The following AFF3 variants were observed in gnomAD, a reference collection of about 807,000 sequenced individuals.
AFF3 encodes AF4/FMR2 family member 3.
In AFF3, 32 loss-of-function variants were observed where a neutral mutation model predicts 129.7. The ratio of observed to expected loss-of-function variants is 0.25; its 90% CI spans 0.19 to 0.33. The LOEUF is 0.33. AFF3 is among the 10% of genes least tolerant of loss of function. The probability of loss-of-function intolerance (pLI) is 1.00; values close to 1 mark genes in which losing one functional copy is unlikely to be tolerated. For missense variants in AFF3, 1,373 were observed against 1,592.0 expected (o/e 0.86, Z 2.34); for synonymous variants, 644 against 635.4 (o/e 1.01, Z -0.20).
At chr2:99,650,355 T>C (rs1245608337) in intron 12 of AFF3, among the ~76,000 whole-genome samples, 1 of 151,932 alleles carries the variant, frequency 6.6e-6, no homozygotes, top group Non-Finnish European at 1.5e-5. Context: ...GGTCAGGAGT[T>C]CAAGACCAGC....
At chr2:99,927,738 T>TA (rs1279312420) in intron 7 of AFF3, among the ~76,000 whole-genome samples, 1 of 152,110 alleles carries the variant, frequency 6.6e-6, no homozygotes, top group Non-Finnish European at 1.5e-5. Context: ...AAATAAAAGT[T>TA]AAAAAAAATT....
At chr2:100,130,192 T>C (rs1199786879) in intron 1 of AFF3, among the ~76,000 whole-genome samples, 4 of 152,210 alleles carry the variant, frequency 2.6e-5, no homozygotes, top group Non-Finnish European at 5.9e-5. Flanking sequence ...GCGTGAAGTT[T>C]CCAGAAGTTC....
rs1559460539 is a variant in AFF3, at chr2:99,549,074, C to CA, written c.*2399dup. ...AGGGAAGCTCATCACATAGATGTTA[C>CA]AACAAAGTCTGCAACTTTCAAGGTG... is the stretch of plus-strand genomic sequence containing the variant. On this transcript the variant is annotated 3_prime_UTR_variant, in exon 25 of 25. Transcript: ENST00000672756. 1 of 227,230 alleles carries CA rather than the reference C, an allele frequency of 4.4e-6. No homozygotes were observed. The highest frequency in any genetic ancestry group is 2.2e-5 in the African/African-American group (1 of 44,984). 14.1% of individuals were successfully genotyped at this position (227,230 alleles called of 1,614,324 possible).
intron 8 of AFF3, among the ~76,000 whole-genome samples, chr2:99,807,046 C>T (rs530576967): frequency 6.6e-5 from 10 of 152,190 alleles, no homozygotes; most frequent in African/African-American, 2.4e-4. Context: ...CCTAACCCCC[C>T]ACATTCCCTG....
chr2:100,069,688 G>A (rs1205317281), intron 4 of AFF3, among the ~76,000 whole-genome samples: 1 of 152,044 alleles, frequency 6.6e-6, no homozygotes, highest in Non-Finnish European at 1.5e-5. Flanking sequence ...CACAAAATCA[G>A]AAAGAAATTT....
chr2:99,944,673 G>A (rs1019489029), intron 7 of AFF3, among the ~76,000 whole-genome samples: 5 of 152,136 alleles, frequency 3.3e-5, no homozygotes, highest in Admixed American at 2.0e-4. Flanking sequence ...AACCATGCAC[G>A]CACATGCTAC....
intron 12 of AFF3, among the ~76,000 whole-genome samples, chr2:99,667,418 G>C (rs967356401): frequency 1.3e-5 from 2 of 152,030 alleles, no homozygotes; most frequent in Non-Finnish European, 2.9e-5. Flanking sequence ...AAAAAAGAAC[G>C]AATCTCAAAT....
intron 7 of AFF3, among the ~76,000 whole-genome samples, chr2:99,909,651 C>T (rs959424842): frequency 6.6e-6 from 1 of 151,630 alleles, no homozygotes. Flanking sequence ...CGTTTCTCCA[C>T]AGAGTGGAGA....
At chr2:100,140,360 T>C (rs1480687434) in intron 1 of AFF3, among the ~76,000 whole-genome samples, 1 of 152,192 alleles carries the variant, frequency 6.6e-6, no homozygotes, top group Non-Finnish European at 1.5e-5. Context: ...TGCCTTCAGC[T>C]TTCTCTGTGA....
At chr2:99,859,498 C>T (rs570463801) in intron 7 of AFF3, among the ~76,000 whole-genome samples, 1 of 152,246 alleles carries the variant, frequency 6.6e-6, no homozygotes, top group Non-Finnish European at 1.5e-5. Flanking sequence ...GTTTGCGAAA[C>T]CCTGATTTAT....
chr2:100,111,605 C>A (rs1691512297), intron 2 of AFF3, among the ~76,000 whole-genome samples: 1 of 152,166 alleles, frequency 6.6e-6, no homozygotes, highest in South Asian at 2.1e-4. Flanking sequence ...TAATAGTCAG[C>A]CTTTCTTGTG....
At chr2:99,777,968 A>AAAAAAG (rs1684066221) in intron 8 of AFF3, among the ~76,000 whole-genome samples, 1 of 151,718 alleles carries the variant, frequency 6.6e-6, no homozygotes, top group Non-Finnish European at 1.5e-5. Flanking sequence ...AAAAAAAAAA[A>AAAAAAG]AAACAAAATG....
chr2:99,874,979 C>G (rs1004898384), intron 7 of AFF3, among the ~76,000 whole-genome samples: 14 of 152,068 alleles, frequency 9.2e-5, no homozygotes, highest in African/African-American at 3.4e-4. Context: ...ACAAAGCGTA[C>G]ATAGGAATTA....
intron 7 of AFF3, among the ~76,000 whole-genome samples, chr2:99,913,185 A>T (rs1695226701): frequency 6.6e-6 from 1 of 152,252 alleles, no homozygotes; most frequent in Non-Finnish European, 1.5e-5. Context: ...ATACAACAGG[A>T]AACTTTATAT....
At chr2:99,597,994 G>A (rs986031062) in intron 14 of AFF3, among the ~76,000 whole-genome samples, 1 of 152,160 alleles carries the variant, frequency 6.6e-6, no homozygotes, top group Non-Finnish European at 1.5e-5. Context: ...CGAGCAACTT[G>A]AATCACATTT....
At chr2:99,962,632 T>C (rs1262298789) in intron 7 of AFF3, among the ~76,000 whole-genome samples, 10 of 151,968 alleles carry the variant, frequency 6.6e-5, no homozygotes, top group African/African-American at 2.2e-4. Flanking sequence ...ACTGACTAGA[T>C]GGGCTCAATA....
chr2:100,085,296 A>G (rs1487337254), intron 4 of AFF3, among the ~76,000 whole-genome samples: 26 of 146,408 alleles, frequency 1.8e-4, no homozygotes, highest in Admixed American at 4.1e-4. Context: ...GCTGTCCAAG[A>G]GAGTCACGTG....
At chr2:99,834,186 T>C (rs1688697386) in intron 8 of AFF3, among the ~76,000 whole-genome samples, 1 of 152,148 alleles carries the variant, frequency 6.6e-6, no homozygotes, top group Admixed American at 6.5e-5. Flanking sequence ...CAGGGGGACG[T>C]CTTCATCTAG....
intron 8 of AFF3, among the ~76,000 whole-genome samples, chr2:99,755,949 T>C (rs1682062335): frequency 1.3e-5 from 2 of 152,212 alleles, no homozygotes; most frequent in Non-Finnish European, 2.9e-5. Flanking sequence ...ATGTCTCCAT[T>C]TTTGGACCAA....
Sources: gnomAD v4.1 joint callset for allele counts (sites outside exome capture counted in the v4.1 genomes callset) on GRCh38, gnomAD v4.1.1 for gene constraint, MANE v1.5 for transcripts, NCBI Gene and HGNC (gene_info 2026-07-23, HGNC 2026-07-21) for gene names.